SPOPL: variants seen among roughly 807,000 people sequenced by gnomAD.
The protein encoded by SPOPL is speckle-type POZ protein-like.
SPOPL carries 23 observed loss-of-function variants against 53.8 expected under a neutral mutation model. That is an observed-to-expected ratio of 0.43 (90% CI 0.31 to 0.61). The LOEUF is 0.61. SPOPL is among the 20% of genes least tolerant of loss of function. The pLI is 0.12. For synonymous variants in SPOPL, 164 were observed against 149.7 expected, an observed-to-expected ratio of 1.10 and a Z score of -0.70; for missense variants, 442 against 466.9, an observed-to-expected ratio of 0.95 and a Z score of 0.49.
At chr2:138,557,865 A>G (rs1685461389) in intron 5 of SPOPL, among the ~76,000 whole-genome samples, 1 of 152,204 alleles carries the variant, frequency 6.6e-6, no homozygotes, top group South Asian at 2.1e-4. Flanking sequence ...ATTTTTTAAA[A>G]AAGTGGTCTG....
intron 1 of SPOPL, among the ~76,000 whole-genome samples, chr2:138,545,626 A>AG (rs1685177447): frequency 6.6e-6 from 1 of 151,650 alleles, no homozygotes; most frequent in South Asian, 2.1e-4. Flanking sequence ...TTTTTAGCAC[A>AG]GACAGGGTTT....
chr2:138,545,559 G>A (rs935414191), intron 1 of SPOPL, among the ~76,000 whole-genome samples: 2 of 151,516 alleles, frequency 1.3e-5, no homozygotes, highest in Admixed American at 1.3e-4. Flanking sequence ...TCAGCCTCCC[G>A]AGTAGCTGGG....
chr2:138,546,043 A>G (rs896732132), intron 1 of SPOPL, among the ~76,000 whole-genome samples: 2 of 152,218 alleles, frequency 1.3e-5, no homozygotes, highest in Non-Finnish European at 2.9e-5. Flanking sequence ...TGGTGGGTAC[A>G]TGATTGTTTG....
At chr2:138,523,717 CAAATCTT>C (rs2104866477) in intron 1 of SPOPL, among the ~76,000 whole-genome samples, 1 of 152,282 alleles carries the variant, frequency 6.6e-6, no homozygotes, top group East Asian at 1.9e-4. Context: ...GCAGGGCAGT[CAAATCTT>C]AAAGCTTCAA....
At chr2:138,507,485 A>G (rs567166411) in intron 1 of SPOPL, among the ~76,000 whole-genome samples, 2 of 152,336 alleles carry the variant, frequency 1.3e-5, no homozygotes, top group South Asian at 2.1e-4. Context: ...CCTTGGAAGC[A>G]CAGAGCAGGG....
chr2:138,564,624 T>G, intron 8 of SPOPL, 84 bp from the exon 9 acceptor site: 3 of 1,470,196 alleles, frequency 2.0e-6, no homozygotes, highest in East Asian at 2.3e-5. Flanking sequence ...TATTTTACCC[T>G]TATTTTCCAA....
chr2:138,532,870 T>C (rs1267048554), intron 1 of SPOPL, among the ~76,000 whole-genome samples: 1 of 152,190 alleles, frequency 6.6e-6, no homozygotes, highest in Non-Finnish European at 1.5e-5. Context: ...TTAAACATAC[T>C]TATTTTTATT....
Position 138,559,033 on chromosome 2 carries a change from C to A in SPOPL, c.492C>A (p.Val164=). The part of the protein sequence containing the change: ...KLTLFCEVSV[V]QDSVNISGHT... Reference sequence around the variant, plus strand: ...CCCTTTTTTATTAGGTGAGTGTGGTCCAAGATTCAGTAAACATATCAGGAC... The same window carrying A: ...CCCTTTTTTATTAGGTGAGTGTGGTACAAGATTCAGTAAACATATCAGGAC... Residue 164 remains valine, a synonymous_variant, in exon 6 of 11, where the codon GTC becomes GTA. Coordinates refer to ENST00000280098, the MANE Select transcript of SPOPL (RefSeq NM_001001664.3). 1 of 1,597,314 alleles carries A rather than the reference C, an allele frequency of 6.3e-7. No homozygotes were observed. The highest frequency in any genetic ancestry group is 1.1e-5 in the South Asian group (1 of 87,494).
chr2:138,513,932 A>G (rs1209618499), intron 1 of SPOPL, among the ~76,000 whole-genome samples: 1 of 152,116 alleles, frequency 6.6e-6, no homozygotes, highest in Non-Finnish European at 1.5e-5. Context: ...CAGGGCATCA[A>G]GGGGGCTCAT....
chr2:138,522,671 C>T (rs926603946), intron 1 of SPOPL, among the ~76,000 whole-genome samples: 2 of 152,118 alleles, frequency 1.3e-5, no homozygotes, highest in Non-Finnish European at 2.9e-5. Context: ...ACCCCCTCTT[C>T]TTGCCCCTGC....
At chr2:138,562,076 T>G (rs1246613147) in intron 8 of SPOPL, among the ~76,000 whole-genome samples, 1 of 152,072 alleles carries the variant, frequency 6.6e-6, no homozygotes, top group Non-Finnish European at 1.5e-5. Flanking sequence ...GTCCATGGAC[T>G]GAAAGTCTCA....
At chr2:138,533,951 A>G (rs1403595150) in intron 1 of SPOPL, among the ~76,000 whole-genome samples, 1 of 152,200 alleles carries the variant, frequency 6.6e-6, no homozygotes, top group Non-Finnish European at 1.5e-5. Flanking sequence ...CATAAACATC[A>G]GTCTCATTTT....
At chr2:138,543,868 A>G (rs1015194867) in intron 1 of SPOPL, among the ~76,000 whole-genome samples, 3 of 151,986 alleles carry the variant, frequency 2.0e-5, no homozygotes, top group African/African-American at 7.3e-5. Flanking sequence ...TTGTGGTTTT[A>G]TCTACCTTTG....
At chr2:138,552,758 C>G (rs1685341223) in intron 5 of SPOPL, 77 bp downstream of exon 5, 1 of 1,452,606 alleles carries the variant, frequency 6.9e-7, no homozygotes, top group Non-Finnish European at 9.3e-7. Flanking sequence ...ATTAATAACA[C>G]TTTAAAATTA....
At chr2:138,506,021 A>G (rs554429707) in intron 1 of SPOPL, among the ~76,000 whole-genome samples, 6 of 152,284 alleles carry the variant, frequency 3.9e-5, no homozygotes, top group African/African-American at 1.4e-4. Context: ...GCAGATCACC[A>G]TGGCCAAAAT....
intron 1 of SPOPL, among the ~76,000 whole-genome samples, chr2:138,527,479 T>G (rs1231273975): frequency 6.6e-6 from 1 of 152,228 alleles, no homozygotes; most frequent in Non-Finnish European, 1.5e-5. Flanking sequence ...ATGACTATAT[T>G]ATTATTTATC....
At chr2:138,504,588 T>C (rs566673852) in intron 1 of SPOPL, among the ~76,000 whole-genome samples, 63 of 152,344 alleles carry the variant, frequency 4.1e-4, no homozygotes, top group African/African-American at 1.5e-3. Flanking sequence ...GCATCTACCA[T>C]GTGCCAGGCA....
intron 8 of SPOPL, among the ~76,000 whole-genome samples, chr2:138,562,875 G>A (rs894512165): frequency 4.6e-5 from 7 of 151,338 alleles, no homozygotes; most frequent in African/African-American, 7.3e-5. Flanking sequence ...TGTTTGTGAT[G>A]TTAGGTTAGG....
Position 138,569,106 on chromosome 2 carries a change from G to A in SPOPL, c.*26G>A, listed in dbSNP as rs1685727134. On this transcript the variant is annotated 3_prime_UTR_variant, in exon 11 of 11. Coordinates refer to ENST00000280098, the MANE Select transcript of SPOPL (RefSeq NM_001001664.3). ...AATCTTCCATGAACAGTTGAAAAAT[G>A]GAATTGACTTTCACTCCTCCAGGTC... The A allele has an allele frequency of 6.2e-7, 1 of 1,605,102 alleles. No individual in the cohort carries two copies. The highest frequency in any genetic ancestry group is 1.7e-5 in the Admixed American group (1 of 58,994).
Sources: allele counts gnomAD v4.1 joint callset (sites outside exome capture counted in the v4.1 genomes callset), GRCh38; gene constraint gnomAD v4.1.1; transcripts MANE v1.5; gene names NCBI Gene and HGNC (gene_info 2026-07-23, HGNC 2026-07-21).